The following NFATC1 variants were observed in gnomAD, a reference collection of about 807,000 sequenced individuals.
NFATC1 encodes nuclear factor of activated T-cells, cytoplasmic 1.
Under a neutral mutation model 76.0 loss-of-function variants are expected in NFATC1, and 22 were observed. The observed-to-expected ratio is 0.29, with a 90% CI of 0.21 to 0.41. The LOEUF is 0.41. Ranked by LOEUF, NFATC1 falls within the 10% of genes least tolerant of loss-of-function variation. The pLI, the probability that NFATC1 is intolerant of heterozygous loss-of-function variation, is 1.00. For missense variants in NFATC1, 1,357 were observed against 1,337.7 expected (o/e 1.01, Z -0.23); for synonymous variants, 704 against 613.1 (o/e 1.15, Z -2.19).
At chr18:79,424,949 CTCTGTG>C (rs1162012886) in intron 2 of NFATC1, among the ~76,000 whole-genome samples, 1 of 150,126 alleles carries the variant, frequency 6.7e-6, no homozygotes, top group African/African-American at 2.5e-5. Context: ...GTCTCTGCCT[CTCTGTG>C]TCTGTCTCTC....
At chr18:79,429,367 G>C (rs2086508928) in intron 2 of NFATC1, among the ~76,000 whole-genome samples, 1 of 151,874 alleles carries the variant, frequency 6.6e-6, no homozygotes, top group Non-Finnish European at 1.5e-5. Flanking sequence ...TTTCACCCGA[G>C]CTTTTTTTTT....
chr18:79,476,166 G>A (rs983194551), intron 8 of NFATC1, among the ~76,000 whole-genome samples: 17 of 152,258 alleles, frequency 1.1e-4, no homozygotes, highest in African/African-American at 3.1e-4. Flanking sequence ...TGGGACATGC[G>A]TGGGGCAAGA....
chr18:79,445,930 G>A (rs1474836912), intron 3 of NFATC1, among the ~76,000 whole-genome samples: 2 of 152,328 alleles, frequency 1.3e-5, no homozygotes, highest in Non-Finnish European at 2.9e-5. Flanking sequence ...CCATGTCACC[G>A]TGTAAGTGCT....
chr18:79,396,955 C>G (rs902471066), intron 1 of NFATC1, among the ~76,000 whole-genome samples: 1 of 152,202 alleles, frequency 6.6e-6, no homozygotes, highest in African/African-American at 2.4e-5. Context: ...ATTTTGAAAT[C>G]CTATAGGCAG....
intron 9 of NFATC1, among the ~76,000 whole-genome samples, chr18:79,504,067 G>C (rs2090071168): frequency 1.3e-5 from 2 of 152,192 alleles, no homozygotes; most frequent in South Asian, 4.1e-4. Context: ...CTTCTGTCCA[G>C]ATCACTCGGA....
At chr18:79,497,806 C>T (rs1555919590) in intron 9 of NFATC1, 2 of 151,780 alleles carry the variant, frequency 1.3e-5, no homozygotes, top group Non-Finnish European at 2.9e-5. Flanking sequence ...AGGAGACTGG[C>T]TTCGTGGCTC....
chr18:79,452,067 A>C, intron 6 of NFATC1: 1 of 386,186 alleles, frequency 2.6e-6, no homozygotes. Context: ...CTGCACTCAC[A>C]TCGCTGCTGA....
chr18:79,404,072 G>C (rs1287333860), intron 1 of NFATC1, among the ~76,000 whole-genome samples: 1 of 152,242 alleles, frequency 6.6e-6, no homozygotes, highest in African/African-American at 2.4e-5. Flanking sequence ...TTCAAAGGAA[G>C]ATCTCAGCTA....
chr18:79,517,525 G>A (rs761628832), intron 9 of NFATC1, among the ~76,000 whole-genome samples: 11 of 152,220 alleles, frequency 7.2e-5, no homozygotes, highest in Admixed American at 2.6e-4. Context: ...GGATGGGGAC[G>A]CTGCGACAGG....
In NFATC1 at chr18:79,411,447, A is replaced by G. The variant is rs372345100; in HGVS notation, c.1172A>G (p.Gln391Arg). 3.9e-6 allele frequency: 6 copies of G among 1,521,410 alleles called. No homozygotes were observed. The East Asian group carries it at 9.1e-5, about 23-fold the overall frequency. The allele number at this position is 1,521,410 out of a possible 1,614,324, so 94.2% of individuals were successfully genotyped here. Residue 391 changes from glutamine to arginine, a missense_variant, in exon 2 of 10, where the codon CAG becomes CGG. Physicochemically the swap from Gln to Arg is conservative, Grantham distance 43 (BLOSUM62 1). Transcript: ENST00000427363. ...TGCGACCAGTACCTGGCGGTGCCGCAGCACCCCTACCAGTGGGCGAAGCCC... is the reference window on the plus strand; with the variant it reads ...TGCGACCAGTACCTGGCGGTGCCGCGGCACCCCTACCAGTGGGCGAAGCCC... Reference protein sequence around the residue: ...GFCDQYLAVPQHPYQWAKPKP... With the variant: ...GFCDQYLAVPRHPYQWAKPKP...
chr18:79,501,518 C>G (rs547016283), intron 9 of NFATC1, among the ~76,000 whole-genome samples: 75 of 152,154 alleles, frequency 4.9e-4, no homozygotes, highest in Admixed American at 1.6e-3. Context: ...AAAAGGCAAC[C>G]GGAATGGACA....
chr18:79,425,223 GTT>G (rs1197475312), intron 2 of NFATC1, among the ~76,000 whole-genome samples: 4 of 149,400 alleles, frequency 2.7e-5, no homozygotes, highest in Non-Finnish European at 4.5e-5. Flanking sequence ...CTGTCTCTCT[GTT>G]TCTCTCCCTG....
chr18:79,474,815 C>G (rs1478791156), intron 8 of NFATC1, among the ~76,000 whole-genome samples: 1 of 143,992 alleles, frequency 6.9e-6, no homozygotes, highest in Non-Finnish European at 1.5e-5. Context: ...CGACGTAAAC[C>G]TGAGGGAAGC....
intron 2 of NFATC1, among the ~76,000 whole-genome samples, chr18:79,424,001 G>A (rs2086191577): frequency 6.6e-6 from 1 of 152,122 alleles, no homozygotes. Context: ...AAATCCTAAG[G>A]TTGCCCGGGC....
intron 9 of NFATC1, 25 bp from the exon 10 acceptor site, chr18:79,527,503 T>G (rs2090800712): frequency 1.2e-6 from 2 of 1,602,120 alleles, no homozygotes; most frequent in Non-Finnish European, 1.7e-6. Flanking sequence ...TCTCTAATAC[T>G]TTCTCAATTT....
chr18:79,436,189 C>T (rs1600706519), intron 3 of NFATC1, among the ~76,000 whole-genome samples: 2 of 152,230 alleles, frequency 1.3e-5, no homozygotes, highest in South Asian at 4.1e-4. Flanking sequence ...CATCCTTTGA[C>T]GCGGCCCCTT....
Position 79,433,751 on chromosome 18 carries a change from G to A in NFATC1, c.1386+13G>A. The A allele has an allele frequency of 6.2e-7, 1 of 1,605,344 alleles. No individual in the cohort carries two copies. Among genetic ancestry groups the A allele is most frequent in the Middle Eastern group, 1.7e-4 (1 of 6,036 alleles). ...CCCCATCGTGCAGGTAGGCACTGCG[G>A]CCAGACTCGCACGTCACTTGGTGCT... On this transcript the variant is annotated intron_variant, in intron 3 of 9. Transcript: ENST00000427363.
intron 8 of NFATC1, chr18:79,469,767 A>G: frequency 2.0e-6 from 2 of 985,328 alleles, no homozygotes; most frequent in South Asian, 4.7e-5. Flanking sequence ...ACGTAGCACC[A>G]TAGTCCCTGG....
chr18:79,412,186 G>A (rs373045619), intron 2 of NFATC1, among the ~76,000 whole-genome samples: 26 of 152,368 alleles, frequency 1.7e-4, no homozygotes, highest in African/African-American at 5.5e-4. Context: ...CTGGAATTCC[G>A]CTGGGTCCAC....
Sources: gnomAD v4.1 joint callset for allele counts (sites outside exome capture counted in the v4.1 genomes callset) on GRCh38, gnomAD v4.1.1 for gene constraint, MANE v1.5 for transcripts, NCBI Gene and HGNC (gene_info 2026-07-23, HGNC 2026-07-21) for gene names.